Variants in KCNK1 observed in about 807,000 individuals in gnomAD.
KCNK1 encodes potassium two pore domain channel subfamily K member 1, also known as potassium channel subfamily K member 1.
Under a neutral mutation model 22.2 loss-of-function variants are expected in KCNK1, and 10 were observed. The ratio of observed to expected loss-of-function variants is 0.45; its 90% CI spans 0.28 to 0.76. The LOEUF (loss-of-function observed/expected upper bound fraction) is 0.76. Ranked by LOEUF, KCNK1 falls within the 30% of genes least tolerant of loss-of-function variation. The pLI is 0.14. For missense variants in KCNK1, 378 were observed against 421.0 expected (o/e 0.90, Z 0.89); for synonymous variants, 200 against 186.4 (o/e 1.07, Z -0.60).
At chr1:233,635,593 AT>A (rs34927700) in intron 1 of KCNK1, among the ~76,000 whole-genome samples, 26 of 151,712 alleles carry the variant, frequency 1.7e-4, no homozygotes, top group Admixed American at 3.3e-4. Flanking sequence ...TAAGCCAATA[AT>A]TTTTTTTTGT....
chr1:233,623,547 C>A (rs895456274), intron 1 of KCNK1, among the ~76,000 whole-genome samples: 1 of 152,172 alleles, frequency 6.6e-6, no homozygotes, highest in Non-Finnish European at 1.5e-5. Flanking sequence ...CTCATAAATA[C>A]GTAAAATTAT....
chr1:233,631,700 A>G (rs754121142), intron 1 of KCNK1, among the ~76,000 whole-genome samples: 2 of 152,218 alleles, frequency 1.3e-5, no homozygotes, highest in Admixed American at 6.5e-5. Context: ...TCATCTGTGC[A>G]GTGAGGCTGA....
chr1:233,665,278 G>A (rs1658469457), intron 1 of KCNK1, among the ~76,000 whole-genome samples: 1 of 152,222 alleles, frequency 6.6e-6, no homozygotes, highest in African/African-American at 2.4e-5. Context: ...GAGCGGTACA[G>A]AGTAAGAGAT....
intron 1 of KCNK1, among the ~76,000 whole-genome samples, chr1:233,621,820 T>C (rs1482602629): frequency 5.3e-5 from 8 of 152,196 alleles, no homozygotes; most frequent in Non-Finnish European, 1.2e-4. Context: ...GTGGAAGAAA[T>C]GATGTCTTTC....
intron 1 of KCNK1, chr1:233,660,587 T>C (rs892920619): frequency 2.0e-5 from 3 of 152,250 alleles, no homozygotes; most frequent in African/African-American, 7.2e-5. Flanking sequence ...TCTCGGACCC[T>C]TGATAGATGT....
Position 233,666,850 on chromosome 1 carries a change from C to T in KCNK1, c.611C>T (p.Ser204Leu), listed in dbSNP as rs766786842. Residue 204 changes from serine to leucine, a missense_variant, in exon 2 of 3, where the codon TCA (serine) becomes TTA (leucine). Transcript: ENST00000366621. ...TTCTTCATCCCGGCCGCTGTCTTCT[C>T]AGTCCTGGAGGATGACTGGAACTTC... is the stretch of plus-strand genomic sequence containing the variant. ...CFFFIPAAVF[S>L]VLEDDWNFLE... 1.2e-6 allele frequency: 2 copies of T among 1,614,192 alleles called. No homozygotes were observed. The highest frequency in any genetic ancestry group is 2.2e-5 in the South Asian group (2 of 91,090).
rs754831522 is a variant in KCNK1 at position 233,671,506 on chromosome 1, C to G, written c.987C>G (p.Cys329Trp). Residue 329 changes from cysteine (C) to tryptophan (W), a missense_variant, in exon 3 of 3, where the codon TGC becomes TGG. Transcript: ENST00000366621. ...TTGTGGCCACCCAGTCATCTGCCTGCGTGGATGGCCCTGCAAACCATTGAG... is the reference window on the plus strand; with the variant it reads ...TTGTGGCCACCCAGTCATCTGCCTGGGTGGATGGCCCTGCAAACCATTGAG... ...EPFVATQSSA[C>W]VDGPANH 2 of 1,613,934 alleles carry G rather than the reference C, an allele frequency of 1.2e-6. No homozygotes were observed. Among genetic ancestry groups the G allele is most frequent in the African/African-American group, 2.7e-5 (2 of 74,912 alleles).
intron 1 of KCNK1, among the ~76,000 whole-genome samples, chr1:233,636,035 CCT>C (rs1450753583): frequency 2.0e-5 from 3 of 152,046 alleles, no homozygotes; most frequent in Non-Finnish European, 2.9e-5. Flanking sequence ...GTGCAAAGGC[CCT>C]GAGCCAGGAG....
chr1:233,639,818 G>A (rs532521372), intron 1 of KCNK1, among the ~76,000 whole-genome samples: 1 of 152,322 alleles, frequency 6.6e-6, no homozygotes, highest in South Asian at 2.1e-4. Context: ...TTCCTGCAGA[G>A]TGCCTGAATG....
At chr1:233,642,167 T>G (rs1658010522) in intron 1 of KCNK1, among the ~76,000 whole-genome samples, 1 of 152,234 alleles carries the variant, frequency 6.6e-6, no homozygotes, top group Non-Finnish European at 1.5e-5. Context: ...GGGAGTCATG[T>G]TCTGGTCTCT....
intron 1 of KCNK1, among the ~76,000 whole-genome samples, chr1:233,643,487 T>C (rs1658038053): frequency 6.6e-6 from 1 of 152,212 alleles, no homozygotes; most frequent in African/African-American, 2.4e-5. Context: ...ACTTTCCCTA[T>C]GGTCAGTTCT....
intron 1 of KCNK1, chr1:233,630,950 T>TC (rs1426068443): frequency 4.7e-6 from 1 of 214,744 alleles, no homozygotes; most frequent in Non-Finnish European, 9.5e-6. Flanking sequence ...AAGTGCACTT[T>TC]CAGAGCAGTG....
At chr1:233,646,100 C>T (rs978750078) in intron 1 of KCNK1, among the ~76,000 whole-genome samples, 10 of 151,904 alleles carry the variant, frequency 6.6e-5, no homozygotes, top group African/African-American at 1.9e-4. Flanking sequence ...CTTTCATGGA[C>T]GTATTGATTT....
intron 1 of KCNK1, among the ~76,000 whole-genome samples, chr1:233,652,230 G>T (rs1476388770): frequency 1.3e-5 from 2 of 152,126 alleles, no homozygotes; most frequent in Non-Finnish European, 2.9e-5. Flanking sequence ...TTTGGTTGTT[G>T]TCTTAGGTCC....
intron 1 of KCNK1, among the ~76,000 whole-genome samples, chr1:233,657,094 A>G (rs10910239): frequency 1.3e-5 from 2 of 152,226 alleles, no homozygotes; most frequent in African/African-American, 2.4e-5. Context: ...AGAGATGGCC[A>G]GTACTGAGTA....
At chr1:233,624,750 G>A (rs1245285807) in intron 1 of KCNK1, among the ~76,000 whole-genome samples, 9 of 152,118 alleles carry the variant, frequency 5.9e-5, no homozygotes, top group South Asian at 2.1e-4. Flanking sequence ...TGATATCTGG[G>A]GGGCCTCATG....
intron 1 of KCNK1, among the ~76,000 whole-genome samples, chr1:233,635,456 T>A (rs1466040914): frequency 6.6e-6 from 1 of 152,252 alleles, no homozygotes; most frequent in Admixed American, 6.5e-5. Flanking sequence ...TTGCTTTTCA[T>A]GCTTTTGAAT....
chr1:233,663,660 C>G (rs1421833193), intron 1 of KCNK1, among the ~76,000 whole-genome samples: 1 of 152,086 alleles, frequency 6.6e-6, no homozygotes, highest in Non-Finnish European at 1.5e-5. Flanking sequence ...TCGTGGAGTC[C>G]AACTGACTCA....
Position 233,671,730 on chromosome 1 carries a change from A to G in KCNK1, c.*200A>G. On this transcript the variant is annotated 3_prime_UTR_variant, in exon 3 of 3. Transcript: ENST00000366621. ...CTGTGACCCCAGCAGGATGTCTAAT[A>G]TGTGAGGAAATGAGATGTCCACCTA... The G allele has an allele frequency of 1.6e-6, 1 of 612,376 alleles. No individual in the cohort carries two copies. The highest frequency in any genetic ancestry group is 2.8e-6 in the Non-Finnish European group (1 of 356,026). The allele number at this position is 612,376 out of a possible 1,614,324, so 37.9% of individuals were successfully genotyped here. A position where few individuals can be genotyped will look rare whatever the true frequency, so the allele number is the denominator to read the frequency against.
Sources: gnomAD v4.1 joint callset for allele counts (sites outside exome capture counted in the v4.1 genomes callset) on GRCh38, gnomAD v4.1.1 for gene constraint, MANE v1.5 for transcripts, NCBI Gene and HGNC (gene_info 2026-07-23, HGNC 2026-07-21) for gene names.